The following NBEA variants were observed in gnomAD, a reference collection of about 807,000 sequenced individuals.
NBEA encodes neurobeachin, also known as lysosomal-trafficking regulator 2.
A neutral mutation model predicts 343.4 loss-of-function variants in NBEA; 44 were observed. The ratio of observed to expected loss-of-function variants is 0.13; its 90% CI spans 0.10 to 0.16. The LOEUF (loss-of-function observed/expected upper bound fraction) is 0.16, where lower values mean the gene tolerates loss of function less well. Ranked by LOEUF, NBEA falls within the 10% of genes least tolerant of loss-of-function variation. The pLI is 1.00. For missense variants in NBEA, 2,555 were observed against 3,631.3 expected (o/e 0.70, Z 7.62); for synonymous variants, 1,175 against 1,238.7 (o/e 0.95, Z 1.08).
chr13:35,396,195 G>A (rs1434745188), intron 38 of NBEA, among the ~76,000 whole-genome samples: 1 of 151,820 alleles, frequency 6.6e-6, no homozygotes, highest in African/African-American at 2.4e-5. Context: ...GCACCTAGTG[G>A]GTATTGCTTT....
intron 11 of NBEA, among the ~76,000 whole-genome samples, chr13:35,105,556 C>G (rs1423724813): frequency 6.6e-6 from 1 of 152,006 alleles, no homozygotes; most frequent in Admixed American, 6.6e-5. Context: ...TCATTTCTGT[C>G]AATTACTGAG....
intron 38 of NBEA, among the ~76,000 whole-genome samples, chr13:35,425,453 G>A (rs909981829): frequency 9.2e-5 from 14 of 152,070 alleles, no homozygotes; most frequent in African/African-American, 3.4e-4. Flanking sequence ...GTAGTTGAGC[G>A]GTTTTGAGTG....
At chr13:35,226,393 T>C (rs1272287175) in intron 33 of NBEA, among the ~76,000 whole-genome samples, 2 of 152,142 alleles carry the variant, frequency 1.3e-5, no homozygotes, top group African/African-American at 4.8e-5. Context: ...AGGGAAAGAA[T>C]GTCTCTATCC....
chr13:35,161,142 A>G (rs540065262), intron 22 of NBEA, among the ~76,000 whole-genome samples: 88 of 152,294 alleles, frequency 5.8e-4, no homozygotes, highest in African/African-American at 2.0e-3. Context: ...TTAGATACAG[A>G]TGTAAAATAA....
intron 17 of NBEA, among the ~76,000 whole-genome samples, chr13:35,140,956 C>T (rs1307368700): frequency 6.6e-6 from 1 of 152,178 alleles, no homozygotes; most frequent in Non-Finnish European, 1.5e-5. Flanking sequence ...TCTGTGGATT[C>T]TGTGTTGCTG....
intron 36 of NBEA, among the ~76,000 whole-genome samples, chr13:35,346,678 T>G (rs1250578976): frequency 1.3e-5 from 2 of 152,140 alleles, no homozygotes; most frequent in Admixed American, 1.3e-4. Flanking sequence ...GAGAGATAGC[T>G]GCTCCATGCT....
chr13:35,260,036 T>C (rs1175079323), intron 34 of NBEA, among the ~76,000 whole-genome samples: 1 of 152,194 alleles, frequency 6.6e-6, no homozygotes, highest in Non-Finnish European at 1.5e-5. Context: ...TATGAAGATA[T>C]GGTTATCTTT....
intron 48 of NBEA, among the ~76,000 whole-genome samples, chr13:35,612,132 T>C (rs373280464): frequency 6.6e-6 from 1 of 151,800 alleles, no homozygotes; most frequent in African/African-American, 2.4e-5. Context: ...ATTACAATAT[T>C]TTTTTTTCTT....
At chr13:35,150,211 C>T (rs927980695) in intron 18 of NBEA, among the ~76,000 whole-genome samples, 1 of 152,040 alleles carries the variant, frequency 6.6e-6, no homozygotes, top group Non-Finnish European at 1.5e-5. Context: ...TTTTCAAGGA[C>T]TTTGAGTTTA....
chr13:35,182,260 T>C, intron 28 of NBEA, 100 bp from the exon 29 acceptor site: 1 of 802,904 alleles, frequency 1.2e-6, no homozygotes, highest in Non-Finnish European at 1.8e-6. Context: ...ACATATCATA[T>C]TTTGCCTCCA....
At chr13:35,451,435 A>G (rs1162755476) in intron 39 of NBEA, among the ~76,000 whole-genome samples, 2 of 152,130 alleles carry the variant, frequency 1.3e-5, no homozygotes, top group Admixed American at 6.5e-5. Context: ...TTTTTGTGTT[A>G]TTATATATAG....
intron 53 of NBEA, among the ~76,000 whole-genome samples, chr13:35,653,031 G>A (rs1056898647): frequency 1.3e-5 from 2 of 151,956 alleles, no homozygotes; most frequent in African/African-American, 4.8e-5. Flanking sequence ...TTTTTAAACT[G>A]ACATGTTGTA....
intron 49 of NBEA, among the ~76,000 whole-genome samples, chr13:35,631,234 T>C (rs2083438389): frequency 6.6e-6 from 1 of 152,176 alleles, no homozygotes. Context: ...TGGTCATTTA[T>C]GCACCCTTAC....
At chr13:35,360,580 A>G (rs183725217) in intron 38 of NBEA, among the ~76,000 whole-genome samples, 21 of 152,214 alleles carry the variant, frequency 1.4e-4, no homozygotes, top group Admixed American at 1.2e-3. Flanking sequence ...ACTTAAAAGC[A>G]CCTTTATTAT....
At chr13:35,192,561 C>T (rs942296719) in intron 30 of NBEA, among the ~76,000 whole-genome samples, 7 of 151,748 alleles carry the variant, frequency 4.6e-5, no homozygotes, top group Non-Finnish European at 1.5e-5. Context: ...GTTTTTAGTA[C>T]TATGTAAATA....
At chr13:35,059,442 A>G (rs1263487621) in intron 8 of NBEA, among the ~76,000 whole-genome samples, 1 of 151,902 alleles carries the variant, frequency 6.6e-6, no homozygotes, top group African/African-American at 2.4e-5. Flanking sequence ...GAGCGTGCAC[A>G]TATATGAGTT....
chr13:35,357,060 T>C (rs1177538698), intron 38 of NBEA, among the ~76,000 whole-genome samples: 3 of 152,186 alleles, frequency 2.0e-5, no homozygotes, highest in African/African-American at 7.2e-5. Context: ...GTGTACCCAG[T>C]GCATAGAACT....
intron 39 of NBEA, among the ~76,000 whole-genome samples, chr13:35,445,782 TTATATATATATATATATATATA>T (rs71081255): frequency 2.2e-4 from 25 of 113,232 alleles, no homozygotes; most frequent in Middle Eastern, 0.011. Flanking sequence ...ATATAAATGT[TTATATATATATATATATATATA>T]TATATATATA....
chr13:35,292,240 T>C (rs1435153029), intron 35 of NBEA, among the ~76,000 whole-genome samples: 1 of 152,000 alleles, frequency 6.6e-6, no homozygotes, highest in African/African-American at 2.4e-5. Flanking sequence ...ATCATGTCTT[T>C]AGTTGTAAGG....
Sources: gnomAD v4.1 joint callset for allele counts (sites outside exome capture counted in the v4.1 genomes callset) on GRCh38, gnomAD v4.1.1 for gene constraint, MANE v1.5 for transcripts, NCBI Gene and HGNC (gene_info 2026-07-23, HGNC 2026-07-21) for gene names.